USP30: variants seen among roughly 807,000 people sequenced by gnomAD.
USP30 encodes ubiquitin specific peptidase 30.
In USP30, 41 loss-of-function variants were observed where a neutral mutation model predicts 68.2. The ratio of observed to expected loss-of-function variants is 0.60; its 90% CI spans 0.47 to 0.78. The LOEUF (loss-of-function observed/expected upper bound fraction) is 0.78, where lower values mean the gene tolerates loss of function less well. USP30 is among the 30% of genes least tolerant of loss of function. The pLI, the probability that USP30 is intolerant of heterozygous loss-of-function variation, is 0.00. For synonymous variants in USP30, 229 were observed against 253.7 expected (o/e 0.90, Z 0.93); for missense variants, 522 against 649.4 (o/e 0.80, Z 2.13).
chr12:109,034,213 T>C (rs2040502890), intron 3 of USP30, among the ~76,000 whole-genome samples: 1 of 152,256 alleles, frequency 6.6e-6, no homozygotes, highest in Admixed American at 6.5e-5. Context: ...CCCTTGTTAA[T>C]GTTTCTCTTA....
rs376626837 is a variant in USP30 at position 109,057,907 on chromosome 12, C to A, written c.194-19C>A. On this transcript the variant is annotated intron_variant, in intron 2 of 12. Coordinates refer to ENST00000257548, the MANE Select transcript of USP30 (RefSeq NM_032663.5). ...AAATGTGATATACTGTTCTCTTCTT[C>A]CCCCTGCTTTTTTTTTAGGGCTTGT... 5 of 1,608,808 alleles carry A rather than the reference C, an allele frequency of 3.1e-6. No individual in the cohort carries two copies. The highest frequency in any genetic ancestry group is 4.2e-6 in the Non-Finnish European group (5 of 1,177,772).
At chr12:109,039,792 G>A (rs2040550259) in intron 3 of USP30, among the ~76,000 whole-genome samples, 2 of 152,068 alleles carry the variant, frequency 1.3e-5, no homozygotes, top group Non-Finnish European at 1.5e-5. Flanking sequence ...TGCATTTTTG[G>A]TAGAGATGTG....
chr12:109,058,063 C>G lies in USP30; in HGVS notation c.331C>G (p.Pro111Ala). ...GTACTCCAGGGATCAGAAGGAGCCC[C>G]CCTCACACCAGTATTTATCCTTAAC... Reference protein sequence around the residue: ...SQYSRDQKEPPSHQYLSLTLL... With the variant: ...SQYSRDQKEPASHQYLSLTLL... Residue 111 changes from proline to alanine, a missense_variant, in exon 3 of 13, where the codon CCC becomes GCC. By Grantham distance (27) the Pro-to-Ala change is conservative. Coordinates refer to ENST00000257548, the MANE Select transcript of USP30 (RefSeq NM_032663.5). 1 of 1,614,020 alleles carries G rather than the reference C, an allele frequency of 6.2e-7. No individual in the cohort carries two copies. The highest frequency in any genetic ancestry group is 8.5e-7 in the Non-Finnish European group (1 of 1,179,976).
rs1332337751 is a variant in USP30, at chr12:109,034,395, T to G, written c.-136+6839T>G. Among the ~76,000 whole-genome samples, 8 of 152,218 alleles carry G rather than the reference T, an allele frequency of 5.3e-5. 1 individual carries two copies. The highest frequency in any genetic ancestry group is 1.0e-4 in the Non-Finnish European group (7 of 68,034). ...TTATTTTATGGCCTAATATATGGTC[T>G]ATCTTGAGGAATGTTTCATAAGCCA... On this transcript the variant is annotated intron_variant, in intron 3 of 15. Transcript: ENST00000392784.
chr12:109,041,740 A>G lies in USP30; in HGVS notation c.-135-5850A>G, dbSNP rs150900915. ...ATTCCATGGCAAATTATTTTTTTAA[A>G]GAATTTATCATGGCATTCCTTGAAG... is the stretch of plus-strand genomic sequence containing the variant. On this transcript the variant is annotated intron_variant, in intron 3 of 15. Coordinates refer to the USP30 transcript ENST00000392784. Among the ~76,000 whole-genome samples, 505 of 152,314 alleles carry G rather than the reference A, an allele frequency of 3.3e-3. 2 individuals carry two copies. Among genetic ancestry groups the G allele is most frequent in the African/African-American group, 0.011 (471 of 41,580 alleles).
intron 3 of USP30, among the ~76,000 whole-genome samples, chr12:109,042,069 T>G (rs1426374367): frequency 6.6e-6 from 1 of 151,824 alleles, no homozygotes; most frequent in Non-Finnish European, 1.5e-5. Flanking sequence ...GAGTGACCAC[T>G]TAAGAGGCAT....
chr12:109,074,725 G>A (rs890895214), intron 7 of USP30, among the ~76,000 whole-genome samples: 7 of 152,168 alleles, frequency 4.6e-5, no homozygotes, highest in East Asian at 3.8e-4. Context: ...GTGTGTGCAC[G>A]TGCACCTGTG....
At chr12:109,080,312 A>G (rs1229812580) in intron 7 of USP30, among the ~76,000 whole-genome samples, 1 of 152,168 alleles carries the variant, frequency 6.6e-6, no homozygotes, top group African/African-American at 2.4e-5. Context: ...CACATCAACC[A>G]GGAAAAAAAG....
intron 3 of USP30, among the ~76,000 whole-genome samples, chr12:109,059,607 G>A (rs1434308456): frequency 1.3e-5 from 2 of 152,174 alleles, no homozygotes; most frequent in African/African-American, 2.4e-5. Context: ...TCCGCCTCCC[G>A]GGTTCAAGCG....
At chr12:109,047,185 C>A (rs776552800) in intron 3 of USP30, among the ~76,000 whole-genome samples, 1 of 150,984 alleles carries the variant, frequency 6.6e-6, no homozygotes, top group African/African-American at 2.4e-5. Context: ...TTTTTTTAAC[C>A]GAGGAAACCC....
intron 3 of USP30, 62 bp downstream of exon 3, chr12:109,058,170 ACT>A: frequency 6.7e-7 from 1 of 1,492,866 alleles, no homozygotes; most frequent in Non-Finnish European, 9.0e-7. Flanking sequence ...GATGACAGAG[ACT>A]CTTATAACAA....
At chr12:109,083,326 C>G (rs1436926295) in intron 11 of USP30, among the ~76,000 whole-genome samples, 3 of 152,146 alleles carry the variant, frequency 2.0e-5, no homozygotes, top group Non-Finnish European at 1.5e-5. Flanking sequence ...TGCAGCTTTG[C>G]CTTCTAATTT....
chr12:109,061,575 A>T (rs1290699710), intron 3 of USP30, among the ~76,000 whole-genome samples: 1 of 151,440 alleles, frequency 6.6e-6, no homozygotes. Flanking sequence ...GGCCTGGCTA[A>T]TTTTTTGTAT....
intron 6 of USP30, among the ~76,000 whole-genome samples, chr12:109,072,902 C>G (rs2041489413): frequency 6.6e-6 from 1 of 152,152 alleles, no homozygotes; most frequent in South Asian, 2.1e-4. Context: ...TTTCCGCACA[C>G]TGAGGCTTGT....
chr12:109,052,683 T>C lies in USP30; in HGVS notation c.5T>C (p.Leu2Pro). Residue 2 changes from leucine to proline, a missense_variant, in exon 1 of 13, where the codon CTG becomes CCG. Coordinates refer to ENST00000257548, the MANE Select transcript of USP30 (RefSeq NM_032663.5). M[L>P]SSRAEAAMTA... is the part of the protein sequence containing the mutation. Reference sequence around the variant, plus strand: ...CAGGCCTCCGGTGCGGCTGCAATGCTGAGCTCCCGGGCCGAGGCGGCGATG... The same window carrying C: ...CAGGCCTCCGGTGCGGCTGCAATGCCGAGCTCCCGGGCCGAGGCGGCGATG... 1 of 1,499,860 alleles carries C rather than the reference T, an allele frequency of 6.7e-7. No homozygotes were observed. The highest frequency in any genetic ancestry group is 8.8e-7 in the Non-Finnish European group (1 of 1,129,998). 92.9% of individuals were successfully genotyped at this position (1,499,860 alleles called of 1,614,324 possible).
chr12:109,023,976 C>T (rs1685293476), intron 1 of USP30, among the ~76,000 whole-genome samples: 3 of 151,846 alleles, frequency 2.0e-5, no homozygotes, highest in Admixed American at 2.0e-4. Flanking sequence ...AAGTCAAGTT[C>T]CTTCAAAGGA....
At chr12:109,061,325 T>C (rs1405318203) in intron 3 of USP30, among the ~76,000 whole-genome samples, 1 of 151,744 alleles carries the variant, frequency 6.6e-6, no homozygotes, top group African/African-American at 2.4e-5. Context: ...AGAGCCATCC[T>C]TGGGCTGCTG....
At chr12:109,076,276 A>G (rs1344882784) in intron 7 of USP30, among the ~76,000 whole-genome samples, 1 of 152,126 alleles carries the variant, frequency 6.6e-6, no homozygotes, top group Non-Finnish European at 1.5e-5. Context: ...ATTTTTGTAA[A>G]CATTCATTTA....
At chr12:109,024,155 T>G (rs1217022355) in intron 1 of USP30, among the ~76,000 whole-genome samples, 3 of 152,114 alleles carry the variant, frequency 2.0e-5, no homozygotes, top group Admixed American at 1.3e-4. Flanking sequence ...CCATAACTAC[T>G]TCATAGGGTG....
Sources: gnomAD v4.1 joint callset for allele counts (sites outside exome capture counted in the v4.1 genomes callset) on GRCh38, gnomAD v4.1.1 for gene constraint, MANE v1.5 for transcripts, NCBI Gene and HGNC (gene_info 2026-07-23, HGNC 2026-07-21) for gene names.